Variants in TTLL11 observed in about 807,000 individuals in gnomAD.
The protein encoded by TTLL11 is tubulin tyrosine ligase like 11.
Under a neutral mutation model 51.7 loss-of-function variants are expected in TTLL11, and 42 were observed. That is an observed-to-expected ratio of 0.81 (90% CI 0.64 to 1.05). TTLL11 has a LOEUF of 1.05. Among genes scored for constraint, TTLL11 ranks in the 50% least tolerant of loss-of-function variants. TTLL11 has a pLI of 0.00. For synonymous variants in TTLL11, 381 were observed against 383.5 expected, an observed-to-expected ratio of 0.99 and a Z score of 0.08; for missense variants, 799 against 940.4, an observed-to-expected ratio of 0.85 and a Z score of 1.97.
intron 8 of TTLL11, among the ~76,000 whole-genome samples, chr9:121,825,938 G>A (rs1430282608): frequency 6.6e-6 from 1 of 150,572 alleles, no homozygotes; most frequent in Non-Finnish European, 1.5e-5. Context: ...CTTTCTGCTT[G>A]TCTGCATTTT....
At chr9:121,881,409 G>A (rs1395548792) in intron 6 of TTLL11, among the ~76,000 whole-genome samples, 2 of 152,118 alleles carry the variant, frequency 1.3e-5, no homozygotes, top group Non-Finnish European at 2.9e-5. Context: ...TCTATACACT[G>A]AGCACCCGAT....
intron 8 of TTLL11, among the ~76,000 whole-genome samples, chr9:121,834,305 A>G (rs1837115113): frequency 6.6e-6 from 1 of 152,170 alleles, no homozygotes; most frequent in South Asian, 2.1e-4. Context: ...CACATGGTAG[A>G]TCAAACCTGG....
rs774695134 is a variant in TTLL11, at chr9:121,921,451, T to A, written c.1482-50703A>T. Among the ~76,000 whole-genome samples the A allele has an allele frequency of 7.2e-3, 1,090 of 152,148 alleles. 6 individuals are homozygous for A. The highest frequency in any genetic ancestry group is 0.013 in the Non-Finnish European group (874 of 67,970). On this transcript the variant is annotated intron_variant, in intron 6 of 8. Coordinates refer to ENST00000321582, the MANE Select transcript of TTLL11 (RefSeq NM_001139442.2). ...CCCGAGAATCATGAGATTTGTTTTA[T>A]AAAAAAAACTCGCCACAGGATTCCT...
At chr9:122,042,905 T>TA (rs1314128749) in intron 1 of TTLL11, among the ~76,000 whole-genome samples, 1 of 152,076 alleles carries the variant, frequency 6.6e-6, no homozygotes, top group Non-Finnish European at 1.5e-5. Context: ...ACAGAGACAG[T>TA]AAAAAGATCA....
intron 8 of TTLL11, among the ~76,000 whole-genome samples, chr9:121,823,158 T>A (rs191783193): frequency 6.6e-6 from 1 of 152,152 alleles, no homozygotes; most frequent in African/African-American, 2.4e-5. Flanking sequence ...GGAAGTTGAG[T>A]CTCAGAGACA....
chr9:121,902,556 T>C (rs1839812443), intron 6 of TTLL11, among the ~76,000 whole-genome samples: 1 of 152,200 alleles, frequency 6.6e-6, no homozygotes, highest in East Asian at 1.9e-4. Flanking sequence ...GCTGGGTTTA[T>C]GCTTGATCTG....
At chr9:121,858,477 C>T (rs958870903) in intron 8 of TTLL11, among the ~76,000 whole-genome samples, 2 of 152,174 alleles carry the variant, frequency 1.3e-5, no homozygotes, top group African/African-American at 4.8e-5. Context: ...GAGTGCTTGG[C>T]ATATAAGAAT....
intron 1 of TTLL11, chr9:122,040,501 G>A (rs139983223): frequency 1.3e-6 from 1 of 768,290 alleles, no homozygotes; most frequent in Non-Finnish European, 1.6e-6. Flanking sequence ...AGAAAAGAGA[G>A]GCCATGTTAG....
At chr9:121,950,222 C>T (rs1314684107) in intron 6 of TTLL11, among the ~76,000 whole-genome samples, 1 of 152,116 alleles carries the variant, frequency 6.6e-6, no homozygotes, top group Non-Finnish European at 1.5e-5. Flanking sequence ...CACCGCACTC[C>T]TCAAATGATG....
At chr9:121,999,734 A>C (rs1843404795) in intron 3 of TTLL11, among the ~76,000 whole-genome samples, 1 of 152,138 alleles carries the variant, frequency 6.6e-6, no homozygotes, top group Admixed American at 6.5e-5. Context: ...CTACACACAC[A>C]CCCACACACG....
chr9:121,892,569 G>C (rs1171425935), intron 6 of TTLL11, among the ~76,000 whole-genome samples: 2 of 152,078 alleles, frequency 1.3e-5, no homozygotes, highest in Admixed American at 1.3e-4. Flanking sequence ...CACAACACGT[G>C]GGAATTATGG....
chr9:121,999,334 A>C (rs1334217300), intron 3 of TTLL11, among the ~76,000 whole-genome samples: 5 of 152,126 alleles, frequency 3.3e-5, no homozygotes, highest in Non-Finnish European at 7.4e-5. Context: ...GACTCATACA[A>C]TGAGATATGT....
At position 121,960,491 on chromosome 9, in the gene TTLL11, C is replaced by A. The variant is rs188314377; in HGVS notation, c.1481+13518G>T. ...AGATTTGCTTCCTTGGCTTAGGTCTCCCTCACTGCCTCCTTCCTGACCCAC... is the reference window on the plus strand; with the variant it reads ...AGATTTGCTTCCTTGGCTTAGGTCTACCTCACTGCCTCCTTCCTGACCCAC... On this transcript the variant is annotated intron_variant, in intron 6 of 8. Coordinates refer to ENST00000321582, the MANE Select transcript of TTLL11 (RefSeq NM_001139442.2). 2.2e-3 allele frequency among the ~76,000 whole-genome samples: 335 copies of A among 152,232 alleles called. 2 individuals are homozygous for A. Among genetic ancestry groups the A allele is most frequent in the African/African-American group, 7.8e-3 (324 of 41,538 alleles).
At chr9:121,939,034 G>T (rs1841344612) in intron 6 of TTLL11, among the ~76,000 whole-genome samples, 1 of 152,196 alleles carries the variant, frequency 6.6e-6, no homozygotes, top group Admixed American at 6.5e-5. Context: ...CACTCTAGGT[G>T]TTGACCGCAG....
rs1837582155 is a variant in TTLL11, at chr9:121,848,645, A to C, written c.1840+11692T>G. On this transcript the variant is annotated intron_variant, in intron 8 of 8. Coordinates refer to ENST00000321582, the MANE Select transcript of TTLL11 (RefSeq NM_001139442.2). ...TGAAATTAAAAACATATTTGAAGTTAAAACCATTTACATTAGCACCAAAAT... is the reference window on the plus strand; with the variant it reads ...TGAAATTAAAAACATATTTGAAGTTCAAACCATTTACATTAGCACCAAAAT... 2.0e-5 allele frequency among the ~76,000 whole-genome samples: 3 copies of C among 152,228 alleles called. No individual in the cohort carries two copies. The South Asian group carries it at 6.2e-4, about 32-fold the overall frequency.
intron 1 of TTLL11, among the ~76,000 whole-genome samples, chr9:122,069,431 C>T (rs1478655399): frequency 4.6e-5 from 7 of 152,176 alleles, no homozygotes; most frequent in Non-Finnish European, 8.8e-5. Flanking sequence ...GCCTGTAATC[C>T]TAACACTTTG....
At chr9:122,072,669 T>G (rs1403890473) in intron 1 of TTLL11, among the ~76,000 whole-genome samples, 1 of 152,064 alleles carries the variant, frequency 6.6e-6, no homozygotes, top group African/African-American at 2.4e-5. Context: ...TGCAGTCTCC[T>G]AAACACCCAG....
At chr9:122,024,914 T>C (rs911699597) in intron 3 of TTLL11, among the ~76,000 whole-genome samples, 1 of 141,588 alleles carries the variant, frequency 7.1e-6, no homozygotes, top group Non-Finnish European at 1.6e-5. Context: ...TATTAAAAAA[T>C]TGATAAATTG....
chr9:121,989,915 G>A lies in TTLL11; in HGVS notation c.694-145C>T. 6.8e-7 allele frequency: 1 copy of A among 1,463,320 alleles called. No individual in the cohort carries two copies. The highest frequency in any genetic ancestry group is 9.0e-7 in the Non-Finnish European group (1 of 1,113,390). The allele number at this position is 1,463,320 out of a possible 1,614,324, so 90.6% of individuals were successfully genotyped here. A position where few individuals can be genotyped will look rare whatever the true frequency, so the allele number is the denominator to read the frequency against. ...GCAGGGGCTGAGCATCTTCCATGGA[G>A]ATGACACTGCACAAGGTACTGAGAT... On this transcript the variant is annotated intron_variant, in intron 3 of 8. Coordinates refer to ENST00000321582, the MANE Select transcript of TTLL11 (RefSeq NM_001139442.2). The surrounding 1 kb of genome is among the most constrained non-coding windows in gnomAD (Gnocchi z 4.2).
Sources: allele counts gnomAD v4.1 joint callset (sites outside exome capture counted in the v4.1 genomes callset), GRCh38; gene constraint gnomAD v4.1.1; non-coding constraint Gnocchi (gnomAD v3.1); transcripts MANE v1.5; gene names NCBI Gene and HGNC (gene_info 2026-07-23, HGNC 2026-07-21).